The following RXFP1 variants were observed in gnomAD, a reference collection of about 807,000 sequenced individuals.
RXFP1 encodes relaxin receptor 1.
In RXFP1, 73 loss-of-function variants were observed where a neutral mutation model predicts 89.8. The ratio of observed to expected loss-of-function variants is 0.81; its 90% CI spans 0.67 to 0.99. RXFP1 has a LOEUF of 0.99. Ranked by LOEUF, RXFP1 falls within the 50% of genes least tolerant of loss-of-function variation. RXFP1 has a pLI of 0.00. For missense variants in RXFP1, 793 were observed against 895.5 expected (o/e 0.89, Z 1.46); for synonymous variants, 277 against 305.5 (o/e 0.91, Z 0.97).
At chr4:158,639,048 G>A (rs374381667) in intron 13 of RXFP1, among the ~76,000 whole-genome samples, 2 of 152,054 alleles carry the variant, frequency 1.3e-5, no homozygotes, top group East Asian at 3.9e-4. Flanking sequence ...GTGAGGATCT[G>A]AAAAAAATCA....
chr4:158,522,826 C>T (rs2149761506), intron 1 of RXFP1, among the ~76,000 whole-genome samples: 1 of 152,152 alleles, frequency 6.6e-6, no homozygotes, highest in South Asian at 2.1e-4. Flanking sequence ...GGAATGTGGG[C>T]TTTTACTAAT....
intron 15 of RXFP1, among the ~76,000 whole-genome samples, chr4:158,646,049 T>C (rs1771479257): frequency 6.6e-6 from 1 of 152,204 alleles, no homozygotes; most frequent in Non-Finnish European, 1.5e-5. Flanking sequence ...GGATTTTGTG[T>C]AGAATGCTTG....
intron 9 of RXFP1, among the ~76,000 whole-genome samples, chr4:158,626,136 A>ATAGATAGATAGATAGATAGATAGATAGT (rs1766726482): frequency 1.3e-5 from 2 of 148,256 alleles, no homozygotes; most frequent in African/African-American, 5.1e-5. Flanking sequence ...AGATAGATAG[A>ATAGATAGATAGATAGATAGATAGATAGT]TAGATAGATA....
chr4:158,646,548 T>G, intron 15 of RXFP1: 1 of 1,320,770 alleles, frequency 7.6e-7, no homozygotes, highest in South Asian at 1.7e-5. Flanking sequence ...GACTTGCACT[T>G]TAAAGGAAAA....
intron 1 of RXFP1, among the ~76,000 whole-genome samples, chr4:158,555,357 A>C (rs11944623): frequency 0.96 from 146,107 of 152,280 alleles, 70,343 homozygotes; most frequent in East Asian, 1. Flanking sequence ...TAACTCAGGT[A>C]AAATTATGTT....
chr4:158,535,100 C>G (rs1441079312), intron 1 of RXFP1, among the ~76,000 whole-genome samples: 18 of 151,906 alleles, frequency 1.2e-4, no homozygotes, highest in Admixed American at 1.2e-3. Flanking sequence ...CAGATTTACC[C>G]TGTTTTATTT....
intron 1 of RXFP1, among the ~76,000 whole-genome samples, chr4:158,531,379 C>T (rs1744002703): frequency 6.6e-6 from 1 of 152,202 alleles, no homozygotes; most frequent in South Asian, 2.1e-4. Context: ...CCCTTGGCCT[C>T]ACTCTCTGCC....
intron 1 of RXFP1, among the ~76,000 whole-genome samples, chr4:158,541,646 C>G (rs1746664342): frequency 6.6e-6 from 1 of 152,062 alleles, no homozygotes; most frequent in African/African-American, 2.4e-5. Flanking sequence ...TCATAGTTAA[C>G]ACTTTTCCCC....
At chr4:158,651,719 T>C (rs1371111954) in intron 17 of RXFP1, 38 bp from the exon 18 acceptor site, 1 of 1,514,538 alleles carries the variant, frequency 6.6e-7, no homozygotes. Context: ...CTTGTAAACA[T>C]CTATAAACAC....
intron 1 of RXFP1, among the ~76,000 whole-genome samples, chr4:158,551,162 A>G (rs1750009548): frequency 2.0e-5 from 3 of 152,216 alleles, no homozygotes; most frequent in Admixed American, 2.0e-4. Context: ...GGCATTTGTG[A>G]CAACATGGAT....
intron 8 of RXFP1, 49 bp downstream of exon 8, chr4:158,612,411 A>C (rs1763746819): frequency 7.8e-7 from 1 of 1,277,050 alleles, no homozygotes; most frequent in African/African-American, 1.5e-5. Context: ...AAAGACATGA[A>C]TAAAAATTAA....
intron 1 of RXFP1, among the ~76,000 whole-genome samples, chr4:158,546,450 C>T (rs1053096931): frequency 2.6e-5 from 4 of 152,142 alleles, no homozygotes; most frequent in South Asian, 2.1e-4. Context: ...ATTTCCTTCT[C>T]CTGCCTAATT....
intron 3 of RXFP1, 77 bp downstream of exon 3, chr4:158,593,576 A>T (rs1490167519): frequency 2.7e-6 from 2 of 730,202 alleles, no homozygotes; most frequent in Non-Finnish European, 4.2e-6. Context: ...TCAACATTTT[A>T]AAAAAAGATT....
chr4:158,651,311 G>A (rs956871148), intron 17 of RXFP1, among the ~76,000 whole-genome samples: 1 of 151,744 alleles, frequency 6.6e-6, no homozygotes, highest in Admixed American at 6.6e-5. Flanking sequence ...AAATCAAATG[G>A]CAAAAAAGAA....
chr4:158,594,958 T>C (rs1347001385), intron 3 of RXFP1, among the ~76,000 whole-genome samples: 2 of 152,200 alleles, frequency 1.3e-5, no homozygotes, highest in Non-Finnish European at 2.9e-5. Flanking sequence ...CTTAGGTGGT[T>C]ATTTTATAAC....
chr4:158,630,389 G>C (rs1400913303), intron 11 of RXFP1, among the ~76,000 whole-genome samples: 1 of 152,210 alleles, frequency 6.6e-6, no homozygotes, highest in Non-Finnish European at 1.5e-5. Context: ...GGGAGATGCA[G>C]CTGGATGATC....
chr4:158,593,582 A>C, intron 3 of RXFP1, 83 bp downstream of exon 3: 1 of 678,020 alleles, frequency 1.5e-6, no homozygotes, highest in South Asian at 3.2e-5. Flanking sequence ...TTTTAAAAAA[A>C]GATTGCATCT....
At chr4:158,557,259 T>C (rs1751509964) in intron 1 of RXFP1, among the ~76,000 whole-genome samples, 2 of 152,204 alleles carry the variant, frequency 1.3e-5, no homozygotes, top group Admixed American at 1.3e-4. Context: ...ATTTCTGCTG[T>C]TGGGATTTAA....
intron 2 of RXFP1, among the ~76,000 whole-genome samples, chr4:158,586,207 C>T (rs977680124): frequency 6.6e-6 from 1 of 152,198 alleles, no homozygotes; most frequent in African/African-American, 2.4e-5. Context: ...ACTGAGCTTT[C>T]TCTGAAGTGT....
Sources: gnomAD v4.1 joint callset for allele counts (sites outside exome capture counted in the v4.1 genomes callset) on GRCh38, gnomAD v4.1.1 for gene constraint, MANE v1.5 for transcripts, NCBI Gene and HGNC (gene_info 2026-07-23, HGNC 2026-07-21) for gene names.